The following PEX14 variants were observed in gnomAD, a reference collection of about 807,000 sequenced individuals.
The protein encoded by PEX14 is peroxisomal biogenesis factor 14.
Under a neutral mutation model 49.5 loss-of-function variants are expected in PEX14, and 15 were observed. The observed-to-expected ratio is 0.30, with a 90% CI of 0.20 to 0.47. The LOEUF (loss-of-function observed/expected upper bound fraction) is 0.47. PEX14 is among the 20% of genes least tolerant of loss of function. The pLI, the probability that PEX14 is intolerant of heterozygous loss-of-function variation, is 1.00. For missense variants in PEX14, 398 were observed against 494.8 expected, an observed-to-expected ratio of 0.80 and a Z score of 1.86; for synonymous variants, 210 against 212.7, an observed-to-expected ratio of 0.99 and a Z score of 0.11.
intron 4 of PEX14, among the ~76,000 whole-genome samples, chr1:10,616,044 C>T (rs916110788): frequency 3.9e-5 from 6 of 152,110 alleles, no homozygotes; most frequent in Non-Finnish European, 8.8e-5. Context: ...GTTTTGGGAC[C>T]GAGATTCCAG....
intron 2 of PEX14, among the ~76,000 whole-genome samples, chr1:10,503,281 CAAAAAAAAAAA>C (rs59342388): frequency 1.3e-5 from 1 of 75,490 alleles, no homozygotes; most frequent in African/African-American, 5.8e-5. Context: ...GACTCTGTCT[CAAAAAAAAAAA>C]AAAAAAAAAA....
intron 3 of PEX14, among the ~76,000 whole-genome samples, chr1:10,560,388 T>C (rs1024929445): frequency 6.6e-6 from 1 of 151,472 alleles, no homozygotes; most frequent in African/African-American, 2.4e-5. Context: ...GCTTCAAATT[T>C]CCAGAAAAGT....
At chr1:10,592,148 A>G (rs1242613738) in intron 3 of PEX14, among the ~76,000 whole-genome samples, 1 of 152,204 alleles carries the variant, frequency 6.6e-6, no homozygotes, top group Non-Finnish European at 1.5e-5. Flanking sequence ...TTTTCCATGC[A>G]TGCACAAACA....
Position 10,536,225 on chromosome 1 carries a change from G to T in PEX14, c.97G>T (p.Val33Leu). 6.2e-7 allele frequency: 1 copy of T among 1,607,556 alleles called. No homozygotes were observed. The highest frequency in any genetic ancestry group is 8.5e-7 in the Non-Finnish European group (1 of 1,173,936). ...TCTCTCTCACCAGATTGCCACGGCA[G>T]TGAAGTTTCTACAGAATTCCCGGGT... is the stretch of plus-strand genomic sequence containing the variant. The part of the protein sequence containing the change: ...LPREPLIATA[V>L]KFLQNSRVRQ... Residue 33 changes from valine to leucine, a missense_variant, in exon 3 of 9, where the codon GTG becomes TTG. Transcript: ENST00000356607.
rs888279747 is a variant in PEX14, at chr1:10,629,014, G to A, written c.678-517G>A. Among the ~76,000 whole-genome samples the A allele has an allele frequency of 2.0e-5, 3 of 152,206 alleles. No individual in the cohort carries two copies. The highest frequency in any genetic ancestry group is 4.8e-5 in the African/African-American group (2 of 41,454). ...TTTTCTAGCAAAGGGCATAACCACC[G>A]CCCTTTTGGTTCTGATGTGTCTGAC... is the stretch of plus-strand genomic sequence containing the variant. On this transcript the variant is annotated intron_variant, in intron 8 of 8. Coordinates refer to ENST00000356607, the MANE Select transcript of PEX14 (RefSeq NM_004565.3). This position sits in a 1 kb window ranked among gnomAD's most constrained non-coding sequence, Gnocchi z 8.5.
Position 10,512,972 on chromosome 1 carries a change from C to T in PEX14, c.84+17651C>T, listed in dbSNP as rs1641910918. On this transcript the variant is annotated intron_variant, in intron 2 of 8. Coordinates refer to ENST00000356607, the MANE Select transcript of PEX14 (RefSeq NM_004565.3). The surrounding 1 kb of genome is among the most constrained non-coding windows in gnomAD (Gnocchi z 4.6). ...TTGGTCTCCCAGAATGCTGGGATTA[C>T]AGGCGTAGGCCACCGTGCCCGGCCC... Among the ~76,000 whole-genome samples, 1 of 152,244 alleles carries T rather than the reference C, an allele frequency of 6.6e-6. No individual in the cohort carries two copies. Among genetic ancestry groups the T allele is most frequent in the African/African-American group, 2.4e-5 (1 of 41,462 alleles).
chr1:10,476,738 G>T (rs572378493), intron 1 of PEX14, among the ~76,000 whole-genome samples: 2 of 152,182 alleles, frequency 1.3e-5, no homozygotes, highest in African/African-American at 2.4e-5. Context: ...TGATCTGCCC[G>T]CCTCAGCCTC....
intron 5 of PEX14, among the ~76,000 whole-genome samples, chr1:10,622,337 C>T (rs546853222): frequency 5.1e-4 from 78 of 152,244 alleles, no homozygotes; most frequent in African/African-American, 1.8e-3. Flanking sequence ...CTGGGGAACT[C>T]GACTTCTTTT....
chr1:10,569,478 C>T (rs1639909446), intron 3 of PEX14, among the ~76,000 whole-genome samples: 1 of 152,174 alleles, frequency 6.6e-6, no homozygotes, highest in South Asian at 2.1e-4. Context: ...GCTCTCTAGA[C>T]CTGTTCCCCA....
rs932401836 is a variant in PEX14 at position 10,557,094 on chromosome 1, G to A, written c.169+20797G>A. ...TTTTCCCTGCTTGATACTAGGTCTT[G>A]GATGTAACTGGTATCCATCAATACA... is the stretch of plus-strand genomic sequence containing the variant. On this transcript the variant is annotated intron_variant, in intron 3 of 8. Coordinates refer to ENST00000356607, the MANE Select transcript of PEX14 (RefSeq NM_004565.3). 2.6e-5 allele frequency among the ~76,000 whole-genome samples: 4 copies of A among 151,718 alleles called. No homozygotes were observed. The South Asian group carries it at 8.3e-4, about 32-fold the overall frequency.
intron 1 of PEX14, among the ~76,000 whole-genome samples, chr1:10,482,035 G>A (rs956270292): frequency 5.3e-5 from 8 of 152,056 alleles, no homozygotes; most frequent in Non-Finnish European, 1.2e-4. Flanking sequence ...ATGTTGCCCA[G>A]GCTGGTCTTG....
rs1219615603 is a variant in PEX14 at position 10,629,414 on chromosome 1, G to A, written c.678-117G>A. The A allele has an allele frequency of 1.3e-6, 1 of 746,666 alleles. No individual in the cohort carries two copies. The highest frequency in any genetic ancestry group is 2.4e-6 in the Non-Finnish European group (1 of 418,408). The allele number at this position is 746,666 out of a possible 1,614,324, so 46.3% of individuals were successfully genotyped here. A position where few individuals can be genotyped will look rare whatever the true frequency, so the allele number is the denominator to read the frequency against. On this transcript the variant is annotated intron_variant, in intron 8 of 8. Coordinates refer to ENST00000356607, the MANE Select transcript of PEX14 (RefSeq NM_004565.3). The surrounding 1 kb of genome is among the most constrained non-coding windows in gnomAD (Gnocchi z 8.5). ...GGCTCCATCCTGTCCCTTGCCCAGTGTCCCTGGGGGAGCAGCTCACCATCG... is the reference window on the plus strand; with the variant it reads ...GGCTCCATCCTGTCCCTTGCCCAGTATCCCTGGGGGAGCAGCTCACCATCG...
At chr1:10,537,922 G>A (rs1638885419) in intron 3 of PEX14, among the ~76,000 whole-genome samples, 2 of 23,292 alleles carry the variant, frequency 8.6e-5, no homozygotes, top group African/African-American at 4.1e-4. Context: ...AATAATTACT[G>A]TAGAGAGAAA....
At chr1:10,536,338 G>A (rs772495030) in intron 3 of PEX14, 41 bp downstream of exon 3, 6 of 1,208,902 alleles carry the variant, frequency 5.0e-6, no homozygotes, top group Non-Finnish European at 7.4e-6. Flanking sequence ...CCTACAGGGG[G>A]ACTGGGGCTG....
intron 2 of PEX14, among the ~76,000 whole-genome samples, chr1:10,511,672 G>A (rs1641886444): frequency 6.6e-6 from 1 of 152,030 alleles, no homozygotes; most frequent in East Asian, 1.9e-4. Flanking sequence ...ATAGACCGTG[G>A]GACTGTGACT....
At chr1:10,490,798 C>G (rs1641457899) in intron 1 of PEX14, among the ~76,000 whole-genome samples, 1 of 150,476 alleles carries the variant, frequency 6.6e-6, no homozygotes. Flanking sequence ...ACCTCCTGGG[C>G]TCAGTTGATC....
At chr1:10,530,699 G>A (rs1638625185) in intron 2 of PEX14, among the ~76,000 whole-genome samples, 1 of 152,208 alleles carries the variant, frequency 6.6e-6, no homozygotes, top group Non-Finnish European at 1.5e-5. Flanking sequence ...TGGCGTCCCT[G>A]AGTTGCAGTC....
At chr1:10,619,401 C>T (rs1641527793) in intron 5 of PEX14, among the ~76,000 whole-genome samples, 1 of 151,096 alleles carries the variant, frequency 6.6e-6, no homozygotes. Context: ...ACTGCAAGCT[C>T]CGCCTCCTGA....
intron 3 of PEX14, among the ~76,000 whole-genome samples, chr1:10,565,962 T>C (rs1426211051): frequency 1.3e-5 from 2 of 152,242 alleles, no homozygotes; most frequent in African/African-American, 4.8e-5. Flanking sequence ...CATTTGTTTA[T>C]TTATTTACAT....
Sources: gnomAD v4.1 joint callset for allele counts (sites outside exome capture counted in the v4.1 genomes callset) on GRCh38, gnomAD v4.1.1 for gene constraint, Gnocchi (gnomAD v3.1) non-coding constraint, MANE v1.5 for transcripts, NCBI Gene and HGNC (gene_info 2026-07-23, HGNC 2026-07-21) for gene names.